Variants in SEC23A observed in about 807,000 individuals in gnomAD.
The protein encoded by SEC23A is protein transport protein Sec23A.
Under a neutral mutation model 103.7 loss-of-function variants are expected in SEC23A, and 56 were observed. The ratio of observed to expected loss-of-function variants is 0.54; its 90% CI spans 0.44 to 0.67. The LOEUF is 0.67. Among genes scored for constraint, SEC23A ranks in the 30% least tolerant of loss-of-function variants. The probability of loss-of-function intolerance (pLI) is 0.00; values close to 1 mark genes in which losing one functional copy is unlikely to be tolerated. For missense variants in SEC23A, 784 were observed against 936.4 expected, an observed-to-expected ratio of 0.84 and a Z score of 2.12; for synonymous variants, 281 against 293.0, an observed-to-expected ratio of 0.96 and a Z score of 0.42.
Position 39,041,409 on chromosome 14 carries a change from C to CAAAAAAAAAAAAAAAAAAAAAAA in SEC23A, c.1987-545_1987-523dup, listed in dbSNP as rs56911438. On this transcript the variant is annotated intron_variant, in intron 17 of 19. Transcript: ENST00000307712. ...AAATCACCATAAAACAAAGAAAAAG[C>CAAAAAAAAAAAAAAAAAAAAAAA]AAAAAAAAAAAAAAAAAAAAAAAAA... The CAAAAAAAAAAAAAAAAAAAAAAA allele has an allele frequency of 8.1e-3, 119 of 14,642 alleles. 7 individuals carry two copies. Among genetic ancestry groups the CAAAAAAAAAAAAAAAAAAAAAAA allele is most frequent in the Middle Eastern group, 0.12 (1 of 8 alleles). The allele number at this position is 14,642 out of a possible 1,614,324, so 0.9% of individuals were successfully genotyped here. A position where few individuals can be genotyped will look rare whatever the true frequency, so the allele number is the denominator to read the frequency against.
chr14:39,046,780 G>A (rs1021709956), intron 15 of SEC23A, among the ~76,000 whole-genome samples: 6 of 152,164 alleles, frequency 3.9e-5, no homozygotes, highest in African/African-American at 7.2e-5. Flanking sequence ...CCTGAATAAT[G>A]GACAGTTACA....
At chr14:39,095,051 T>G (rs1266374955) in intron 2 of SEC23A, 1 of 688,136 alleles carries the variant, frequency 1.5e-6, no homozygotes, top group Admixed American at 2.2e-5. Context: ...GGAGAGCAGG[T>G]AGGAGGATAT....
chr14:39,091,549 T>A lies in SEC23A; in HGVS notation c.531A>T (p.Glu177Asp). The A allele has an allele frequency of 6.2e-7, 1 of 1,614,048 alleles. No individual in the cohort carries two copies. The highest frequency in any genetic ancestry group is 1.7e-5 in the Admixed American group (1 of 60,010). The change falls in exon 5 of 20, where the codon GAA (glutamate) becomes GAT (aspartate). Residue 177 changes from glutamate (E) to aspartate (D), a missense_variant. Around this residue, in one of 2 missense-constraint regions of SEC23A, gnomAD observed 683 missense variants for 774.2 expected, o/e 0.88. Coordinates refer to ENST00000307712, the MANE Select transcript of SEC23A (RefSeq NM_006364.4). ...TTTTTGAAATGCCTTCACATCCAAGTTCATGAACCTGAACCATTCTCCCAA... is the reference window on the plus strand; with the variant it reads ...TTTTTGAAATGCCTTCACATCCAAGATCATGAACCTGAACCATTCTCCCAA... ...ITFGRMVQVHELGCEGISKSY... is the reference protein window; with the variant it reads ...ITFGRMVQVHDLGCEGISKSY...
chr14:39,073,767 G>A (rs1447397265), intron 9 of SEC23A, among the ~76,000 whole-genome samples: 3 of 150,648 alleles, frequency 2.0e-5, no homozygotes, highest in South Asian at 2.1e-4. Context: ...CTGCCACCAC[G>A]CCCACCTAAT....
At position 39,098,013 on chromosome 14, in the gene SEC23A, G is replaced by C. The variant is rs372973344; in HGVS notation, c.-21-1874C>G. Among the ~76,000 whole-genome samples, 62 of 151,932 alleles carry C rather than the reference G, an allele frequency of 4.1e-4. 1 individual carries two copies. The South Asian group carries it at 5.8e-3, about 14-fold the overall frequency. On this transcript the variant is annotated intron_variant, in intron 1 of 19. Coordinates refer to ENST00000307712, the MANE Select transcript of SEC23A (RefSeq NM_006364.4). ...CTGAGGCAGGAGAATCGCTTGAACTGGGGGGGCAGAGGTTGTGGTGAGCTG... is the reference window on the plus strand; with the variant it reads ...CTGAGGCAGGAGAATCGCTTGAACTCGGGGGGCAGAGGTTGTGGTGAGCTG...
intron 1 of SEC23A, among the ~76,000 whole-genome samples, chr14:39,102,106 C>T (rs1348215275): frequency 7.2e-5 from 11 of 152,038 alleles, no homozygotes; most frequent in Non-Finnish European, 1.3e-4. Context: ...GTAGCTCGCC[C>T]CTGTAATCCC....
chr14:39,092,095 C>G (rs1484954895), intron 4 of SEC23A, among the ~76,000 whole-genome samples: 2 of 152,148 alleles, frequency 1.3e-5, no homozygotes, highest in African/African-American at 2.4e-5. Flanking sequence ...CTAAAACATT[C>G]ATAAAAGATA....
intron 14 of SEC23A, among the ~76,000 whole-genome samples, chr14:39,051,046 A>T (rs1447033245): frequency 2.0e-5 from 3 of 152,210 alleles, no homozygotes; most frequent in Non-Finnish European, 4.4e-5. Context: ...CAGCAACACA[A>T]ATAGAGAAAA....
intron 15 of SEC23A, chr14:39,047,550 G>T: frequency 3.0e-6 from 1 of 329,676 alleles, no homozygotes; most frequent in Non-Finnish European, 5.2e-6. Context: ...GAAAGCTGAT[G>T]CTTTAAACAA....
At chr14:39,085,969 A>G (rs1192338704) in intron 6 of SEC23A, 63 bp from the exon 7 acceptor site, 3 of 1,394,282 alleles carry the variant, frequency 2.2e-6, no homozygotes, top group Non-Finnish European at 3.0e-6. Flanking sequence ...TTCGATAAAC[A>G]AATTTCACTT....
intron 10 of SEC23A, among the ~76,000 whole-genome samples, chr14:39,065,895 G>A (rs779462895): frequency 2.0e-5 from 3 of 150,822 alleles, no homozygotes; most frequent in Non-Finnish European, 4.4e-5. Context: ...CTACTCGGGA[G>A]GGTGAGGCAG....
rs1213361720 is a variant in SEC23A at position 39,040,904 on chromosome 14, TAAAGA to T, written c.1987-22_1987-18del. 1 of 1,598,816 alleles carries T rather than the reference TAAAGA, an allele frequency of 6.3e-7. No individual in the cohort carries two copies. Among genetic ancestry groups the T allele is most frequent in the Non-Finnish European group, 8.5e-7 (1 of 1,172,620 alleles). ...TGCTATGGTCTAATTTTAAAACAAT[TAAAGA>T]AATTACTTTAAATTTCTTGCCCATC... On this transcript the variant is annotated intron_variant, in intron 17 of 19. Coordinates refer to ENST00000307712, the MANE Select transcript of SEC23A (RefSeq NM_006364.4).
Position 39,055,182 on chromosome 14 carries a change from TGG to T in SEC23A, c.1618_1619del (p.Pro540ArgfsTer4). On this transcript the variant is annotated frameshift_variant, in exon 14 of 20. Coordinates refer to ENST00000307712, the MANE Select transcript of SEC23A (RefSeq NM_006364.4). LOFTEE classifies it high-confidence loss of function. ...AIYRAETEEG[P>X]DVLRWLDRQL... The stretch of plus-strand genomic sequence containing the variant: ...GTCTGTCCAGCCACCTAAGCACATC[TGG>T]ACCTTCTTCTGTTTCTGCTCTATAT... The T allele has an allele frequency of 6.2e-7, 1 of 1,614,250 alleles. No individual in the cohort carries two copies. The highest frequency in any genetic ancestry group is 1.1e-5 in the South Asian group (1 of 91,084).
chr14:39,084,016 A>G (rs548125367), intron 7 of SEC23A, among the ~76,000 whole-genome samples: 32 of 151,922 alleles, frequency 2.1e-4, no homozygotes, highest in African/African-American at 7.7e-4. Context: ...ATTTTTAAAA[A>G]CTATTTTGTT....
rs1555331104 is a variant in SEC23A, at chr14:39,094,432, ATATATATATATTT to A, written c.222-1201_222-1189del. The stretch of plus-strand genomic sequence containing the variant: ...TATATATATATATATATATATATAT[ATATATATATATTT>A]TTTTTTTTTTTTTTTCCCCTCCTGT... On this transcript the variant is annotated intron_variant, in intron 2 of 19. Transcript: ENST00000307712. Among the ~76,000 whole-genome samples, 49 of 36,842 alleles carry A rather than the reference ATATATATATATTT, an allele frequency of 1.3e-3. 4 individuals carry two copies. Among genetic ancestry groups the A allele is most frequent in the East Asian group, 6.7e-3 (8 of 1,198 alleles). 24.2% of individuals were successfully genotyped at this position (36,842 alleles called of 152,430 possible).
At position 39,063,599 on chromosome 14, in the gene SEC23A, T is replaced by TA. The variant is rs565098914; in HGVS notation, c.1309-187dup. 2.0e-4 allele frequency among the ~76,000 whole-genome samples: 31 copies of TA among 152,218 alleles called. No homozygotes were observed. The East Asian group carries it at 5.6e-3, about 27-fold the overall frequency. ...TATAAAATAAAGCATTTTTACATAA[T>TA]AAAAAATAAAATAATTTTTACATAA... On this transcript the variant is annotated intron_variant, in intron 11 of 19. Transcript: ENST00000307712.
intron 15 of SEC23A, 116 bp from the exon 16 acceptor site, chr14:39,045,440 T>C (rs574641594): frequency 1.0e-5 from 7 of 701,956 alleles, no homozygotes; most frequent in South Asian, 4.4e-5. Flanking sequence ...CATGTTATTA[T>C]AAGAATGTTC....
chr14:39,085,877 A>G lies in SEC23A; in HGVS notation c.713T>C (p.Met238Thr). Reference sequence around the variant, plus strand: ...TTCTCCCAGAAGATCTGTGAGATTCATGTCTATTTTCTGTACTGGTTGTAA... The same window carrying G: ...TTCTCCCAGAAGATCTGTGAGATTCGTGTCTATTTTCTGTACTGGTTGTAA... ...RFLQPVQKIDMNLTDLLGELQ... is the reference protein window; with the variant it reads ...RFLQPVQKIDTNLTDLLGELQ... The change falls in exon 7 of 20, where the codon ATG (methionine) becomes ACG (threonine). Residue 238 changes from methionine to threonine, a missense_variant. Transcript: ENST00000307712. 1 of 1,613,680 alleles carries G rather than the reference A, an allele frequency of 6.2e-7. No homozygotes were observed. Among genetic ancestry groups the G allele is most frequent in the African/African-American group, 1.3e-5 (1 of 75,028 alleles).
intron 2 of SEC23A, among the ~76,000 whole-genome samples, chr14:39,095,277 C>A (rs966965043): frequency 1.3e-5 from 2 of 151,646 alleles, no homozygotes; most frequent in African/African-American, 4.8e-5. Context: ...ATTTTTGGAA[C>A]ATCATGTCAC....
Sources: gnomAD v4.1 joint callset for allele counts (sites outside exome capture counted in the v4.1 genomes callset) on GRCh38, gnomAD v4.1.1 for gene constraint, gnomAD v4.1.1 regional missense constraint, MANE v1.5 for transcripts, NCBI Gene and HGNC (gene_info 2026-07-23, HGNC 2026-07-21) for gene names.